The following CTNND2 variants were observed in gnomAD, a reference collection of about 807,000 sequenced individuals.
CTNND2 encodes catenin delta 2, also known as catenin delta-2.
A neutral mutation model predicts 144.4 loss-of-function variants in CTNND2; 22 were observed. The observed-to-expected ratio is 0.15, with a 90% CI of 0.11 to 0.22. The LOEUF is 0.22. Among genes scored for constraint, CTNND2 ranks in the 10% least tolerant of loss-of-function variants. The probability of loss-of-function intolerance (pLI) is 1.00; values close to 1 mark genes in which losing one functional copy is unlikely to be tolerated. For missense variants in CTNND2, 1,353 were observed against 1,618.8 expected, an observed-to-expected ratio of 0.84 and a Z score of 2.82; for synonymous variants, 751 against 695.6, an observed-to-expected ratio of 1.08 and a Z score of -1.25.
chr5:11,521,978 T>C (rs915154022), intron 3 of CTNND2, among the ~76,000 whole-genome samples: 3 of 152,164 alleles, frequency 2.0e-5, no homozygotes, highest in African/African-American at 7.2e-5. Flanking sequence ...ATATAGTCTA[T>C]CCAGCTGTAT....
chr5:11,742,109 T>C (rs374088911), intron 1 of CTNND2, among the ~76,000 whole-genome samples: 2 of 152,020 alleles, frequency 1.3e-5, no homozygotes, highest in Non-Finnish European at 2.9e-5. Context: ...TGTATACTGC[T>C]TGGGTGATGG....
At chr5:11,011,159 G>C (rs1175716797) in intron 18 of CTNND2, among the ~76,000 whole-genome samples, 3 of 152,170 alleles carry the variant, frequency 2.0e-5, no homozygotes, top group Non-Finnish European at 4.4e-5. Context: ...TGGGTCTGAC[G>C]TCTGATCTAC....
At chr5:11,787,126 T>C (rs180845650) in intron 1 of CTNND2, among the ~76,000 whole-genome samples, 31 of 152,318 alleles carry the variant, frequency 2.0e-4, no homozygotes, top group African/African-American at 7.5e-4. Context: ...GTTATTAAAG[T>C]CCCTAAAATG....
chr5:11,335,227 A>C (rs1753617688), intron 9 of CTNND2, among the ~76,000 whole-genome samples: 1 of 152,230 alleles, frequency 6.6e-6, no homozygotes, highest in Admixed American at 6.5e-5. Context: ...TATATTTTTT[A>C]CTATAAAATG....
At chr5:11,744,769 CAG>C (rs1282106390) in intron 1 of CTNND2, among the ~76,000 whole-genome samples, 1 of 151,704 alleles carries the variant, frequency 6.6e-6, no homozygotes, top group Non-Finnish European at 1.5e-5. Flanking sequence ...TTTTTTGAGA[CAG>C]AGTCTCACTT....
chr5:11,569,998 C>T lies in CTNND2; in HGVS notation c.175-4942G>A, dbSNP rs377606561. 1.1e-4 allele frequency among the ~76,000 whole-genome samples: 16 copies of T among 152,300 alleles called. No homozygotes were observed. The East Asian group carries it at 2.3e-3, about 22-fold the overall frequency. The stretch of plus-strand genomic sequence containing the variant: ...TGGTATTTGGTTATAGCAACCTAAA[C>T]AGCCTAAGACAAGATGCACATACTA... On this transcript the variant is annotated intron_variant, in intron 2 of 21. Transcript: ENST00000304623.
intron 1 of CTNND2, among the ~76,000 whole-genome samples, chr5:11,839,976 T>C (rs921528028): frequency 2.0e-5 from 3 of 152,232 alleles, no homozygotes; most frequent in Non-Finnish European, 4.4e-5. Flanking sequence ...TCTTAAATGT[T>C]AGTGATCATT....
rs572206478 is a variant in CTNND2, at chr5:11,117,492, G to A, written c.2235C>T (p.Tyr745=). 39 of 1,614,126 alleles carry A rather than the reference G, an allele frequency of 2.4e-5. No homozygotes were observed. Among genetic ancestry groups the A allele is most frequent in the Middle Eastern group, 1.6e-4 (1 of 6,062 alleles). ...TGCTCCCCAGCGCAGACTGGATCAC[G>A]TACAGCAAGGCATCCGTAAGCCCAT... The part of the protein sequence containing the change: ...ECDGLTDALL[Y]VIQSALGSSE... The change falls in exon 13 of 22, where the codon TAC becomes TAT. Residue 745 remains tyrosine (Y), a synonymous_variant. Coordinates refer to ENST00000304623, the MANE Select transcript of CTNND2 (RefSeq NM_001332.4).
At position 11,082,868 on chromosome 5, in the gene CTNND2, A is replaced by G. The variant is rs762227782; in HGVS notation, c.2638-22T>C. On this transcript the variant is annotated intron_variant, in intron 15 of 21. Transcript: ENST00000304623. Reference sequence around the variant, plus strand: ...ACCACTGCAAAAACAGGGAAGGCGAAGGGCGTTAGAAACAGGAAGAAACCC... The same window carrying G: ...ACCACTGCAAAAACAGGGAAGGCGAGGGGCGTTAGAAACAGGAAGAAACCC... 2.5e-6 allele frequency: 4 copies of G among 1,611,772 alleles called. No homozygotes were observed. The South Asian group carries it at 3.3e-5, about 13-fold the overall frequency.
intron 9 of CTNND2, among the ~76,000 whole-genome samples, chr5:11,248,805 T>C (rs1210664291): frequency 6.6e-6 from 1 of 152,230 alleles, no homozygotes; most frequent in African/African-American, 2.4e-5. Flanking sequence ...ATGTGAACCA[T>C]GAACACATAC....
intron 10 of CTNND2, among the ~76,000 whole-genome samples, chr5:11,206,461 G>A (rs182378607): frequency 3.3e-4 from 50 of 152,192 alleles, no homozygotes; most frequent in South Asian, 1.2e-3. Flanking sequence ...AATTTCAAGC[G>A]ATTCCTCAAG....
intron 1 of CTNND2, among the ~76,000 whole-genome samples, chr5:11,858,587 T>C (rs568113859): frequency 6.6e-6 from 1 of 152,308 alleles, no homozygotes; most frequent in African/African-American, 2.4e-5. Context: ...AAGCATTAAT[T>C]TTTCTGTTAC....
intron 1 of CTNND2, among the ~76,000 whole-genome samples, chr5:11,855,050 C>G (rs544643405): frequency 6.6e-6 from 1 of 152,260 alleles, no homozygotes; most frequent in African/African-American, 2.4e-5. Context: ...CAAAATAAAT[C>G]TGATTAAGAC....
At chr5:11,800,795 G>C (rs920848038) in intron 1 of CTNND2, among the ~76,000 whole-genome samples, 1 of 152,066 alleles carries the variant, frequency 6.6e-6, no homozygotes, top group African/African-American at 2.4e-5. Flanking sequence ...ACTTAGAATT[G>C]AGTATTATAT....
At chr5:11,687,656 G>A (rs1385953951) in intron 2 of CTNND2, among the ~76,000 whole-genome samples, 2 of 152,198 alleles carry the variant, frequency 1.3e-5, no homozygotes, top group Admixed American at 1.3e-4. Flanking sequence ...GATAATATCT[G>A]TAGGCCTCCT....
At chr5:11,788,576 G>T (rs976368954) in intron 1 of CTNND2, among the ~76,000 whole-genome samples, 3 of 152,118 alleles carry the variant, frequency 2.0e-5, no homozygotes, top group Admixed American at 6.5e-5. Context: ...ATACGTAGAA[G>T]TCTATTTCTA....
chr5:11,167,898 G>T (rs1759503934), intron 11 of CTNND2, among the ~76,000 whole-genome samples: 1 of 149,992 alleles, frequency 6.7e-6, no homozygotes, highest in East Asian at 1.9e-4. Flanking sequence ...TAGAGACAAG[G>T]TCTTACTATG....
chr5:11,512,521 A>T (rs1396989343), intron 3 of CTNND2, among the ~76,000 whole-genome samples: 1 of 152,232 alleles, frequency 6.6e-6, no homozygotes, highest in Non-Finnish European at 1.5e-5. Flanking sequence ...TGCCCTGGTT[A>T]TCATGTATTT....
intron 3 of CTNND2, among the ~76,000 whole-genome samples, chr5:11,539,194 C>T (rs1338840996): frequency 1.3e-5 from 2 of 152,106 alleles, no homozygotes; most frequent in Non-Finnish European, 2.9e-5. Flanking sequence ...TTTGAAACAT[C>T]GTATAAATGC....
Sources: allele counts gnomAD v4.1 joint callset (sites outside exome capture counted in the v4.1 genomes callset), GRCh38; gene constraint gnomAD v4.1.1; transcripts MANE v1.5; gene names NCBI Gene and HGNC (gene_info 2026-07-23, HGNC 2026-07-21).